GRM8: variants seen among roughly 807,000 people sequenced by gnomAD.
GRM8 encodes glutamate metabotropic receptor 8.
GRM8 carries 47 observed loss-of-function variants against 87.2 expected under a neutral mutation model. The observed-to-expected ratio is 0.54, with a 90% CI of 0.43 to 0.69. GRM8 has a LOEUF of 0.69. GRM8 is among the 30% of genes least tolerant of loss of function. The pLI is 0.00. For missense variants in GRM8, 1,019 were observed against 1,139.2 expected (o/e 0.89, Z 1.52); for synonymous variants, 396 against 404.5 (o/e 0.98, Z 0.25).
rs199631296 is a variant in GRM8, at chr7:126,904,580, T to A, written c.831A>T (p.Ala277=). 1 of 1,613,880 alleles carries A rather than the reference T, an allele frequency of 6.2e-7. No individual in the cohort carries two copies. The highest frequency in any genetic ancestry group is 2.2e-5 in the East Asian group (1 of 44,860). The change falls in exon 4 of 11, where the codon GCA becomes GCT. Residue 277 remains alanine (A), a synonymous_variant. Coordinates refer to ENST00000339582, the MANE Select transcript of GRM8 (RefSeq NM_000845.3). ...KRLLETPNAR[A]VIMFANEDDI... is the part of the protein sequence containing the mutation. ...CATCCTCATTGGCAAACATAATCAC[T>A]GCTCGAGCATTAGGTGTTTCTAGCA...
chr7:126,479,862 T>A (rs1806458246), intron 9 of GRM8, among the ~76,000 whole-genome samples: 1 of 152,098 alleles, frequency 6.6e-6, no homozygotes. Context: ...TCTATCATAT[T>A]ATAATCTCAG....
intron 2 of GRM8, among the ~76,000 whole-genome samples, chr7:127,220,295 G>A (rs1332901450): frequency 6.6e-6 from 1 of 151,906 alleles, no homozygotes; most frequent in Non-Finnish European, 1.5e-5. Flanking sequence ...CACTGACCAG[G>A]GCAAAAGCTG....
intron 9 of GRM8, among the ~76,000 whole-genome samples, chr7:126,499,650 G>A (rs1267299037): frequency 1.3e-5 from 2 of 151,890 alleles, no homozygotes; most frequent in African/African-American, 4.8e-5. Context: ...GGATGAGCTG[G>A]GAGATATGTT....
At chr7:126,880,338 C>T (rs1799912727) in intron 6 of GRM8, among the ~76,000 whole-genome samples, 1 of 152,206 alleles carries the variant, frequency 6.6e-6, no homozygotes, top group African/African-American at 2.4e-5. Context: ...TCTTAATGCA[C>T]ATGCAATTTG....
Position 127,252,804 on chromosome 7 carries a change from C to T in GRM8, c.-319G>A. On this transcript the variant is annotated 5_prime_UTR_variant, in exon 1 of 11. Transcript: ENST00000339582. This position sits in a 1 kb window ranked among gnomAD's most constrained non-coding sequence, Gnocchi z 4.9. Reference sequence around the variant, plus strand: ...CCGGGCGGCGAGTCTTACCCTGCTCCCCGCAGAGGGCGCGGTGAGGAAGCC... The same window carrying T: ...CCGGGCGGCGAGTCTTACCCTGCTCTCCGCAGAGGGCGCGGTGAGGAAGCC... 5.2e-6 allele frequency: 1 copy of T among 193,604 alleles called. No homozygotes were observed. Among genetic ancestry groups the T allele is most frequent in the Non-Finnish European group, 1.0e-5 (1 of 98,064 alleles). 12.0% of individuals were successfully genotyped at this position (193,604 alleles called of 1,614,324 possible).
chr7:127,242,645 G>C (rs760357813), intron 2 of GRM8, 50 bp downstream of exon 2: 5 of 1,525,536 alleles, frequency 3.3e-6, no homozygotes. Flanking sequence ...AGGAGTCATA[G>C]CATTTCATTG....
At chr7:126,966,765 T>A (rs1384144752) in intron 3 of GRM8, among the ~76,000 whole-genome samples, 1 of 152,148 alleles carries the variant, frequency 6.6e-6, no homozygotes, top group Non-Finnish European at 1.5e-5. Flanking sequence ...AATAATTTGC[T>A]ACTCAACTCG....
At chr7:126,828,529 G>C (rs1417953297) in intron 6 of GRM8, among the ~76,000 whole-genome samples, 1 of 152,140 alleles carries the variant, frequency 6.6e-6, no homozygotes, top group African/African-American at 2.4e-5. Context: ...TCTGATGGTA[G>C]TTTGTATTTC....
At position 126,620,450 on chromosome 7, in the gene GRM8, C is replaced by T. The variant is rs568867096; in HGVS notation, c.1358-10952G>A. On this transcript the variant is annotated intron_variant, in intron 7 of 10. Coordinates refer to ENST00000339582, the MANE Select transcript of GRM8 (RefSeq NM_000845.3). ...ATGTGTGAAAAAGTATATTTTTATT[C>T]GTAGGCATCTCAAGCACTCCAACAT... Among the ~76,000 whole-genome samples, 122 of 152,102 alleles carry T rather than the reference C, an allele frequency of 8.0e-4. 2 individuals carry two copies. The highest frequency in any genetic ancestry group is 6.4e-3 in the South Asian group (31 of 4,818).
chr7:126,602,711 C>A (rs899562330), intron 8 of GRM8, among the ~76,000 whole-genome samples: 1 of 151,602 alleles, frequency 6.6e-6, no homozygotes, highest in Non-Finnish European at 1.5e-5. Flanking sequence ...AATGGGAGTT[C>A]ACTCATGATT....
At chr7:126,860,289 TC>T (rs1238381448) in intron 6 of GRM8, among the ~76,000 whole-genome samples, 11 of 152,194 alleles carry the variant, frequency 7.2e-5, no homozygotes, top group Admixed American at 7.2e-4. Flanking sequence ...CTGTTGCTCT[TC>T]CCTTTGCTAC....
At chr7:127,098,338 AC>A (rs1470161100) in intron 3 of GRM8, among the ~76,000 whole-genome samples, 39 of 152,204 alleles carry the variant, frequency 2.6e-4, no homozygotes, top group African/African-American at 7.2e-4. Context: ...AAAGCAATGA[AC>A]ATCTGAGGGG....
chr7:127,083,804 T>C (rs576405752), intron 3 of GRM8, among the ~76,000 whole-genome samples: 27 of 152,304 alleles, frequency 1.8e-4, no homozygotes, highest in Admixed American at 3.9e-4. Flanking sequence ...AAGTGTTTCC[T>C]GATATCTCTG....
intron 3 of GRM8, among the ~76,000 whole-genome samples, chr7:127,015,065 AAGAAAGAAAGAAGGAG>A (rs879351756): frequency 0.015 from 1,394 of 91,572 alleles, 33 homozygotes; most frequent in Non-Finnish European, 0.027. Flanking sequence ...GAAGAAGAAG[AAGAAAGAAAGAAGGAG>A]AAGAAGGAGA....
At chr7:126,779,924 T>C (rs935374726) in intron 6 of GRM8, among the ~76,000 whole-genome samples, 12 of 152,146 alleles carry the variant, frequency 7.9e-5, no homozygotes, top group African/African-American at 9.7e-5. Flanking sequence ...TCTTCACTCA[T>C]AAAATAGGAA....
At chr7:126,646,310 G>GGAAGGAAGGAAA (rs1400041865) in intron 7 of GRM8, among the ~76,000 whole-genome samples, 1 of 141,586 alleles carries the variant, frequency 7.1e-6, no homozygotes, top group Non-Finnish European at 1.6e-5. Context: ...AAGGAAAGAA[G>GGAAGGAAGGAAA]GAAGGAAGGA....
At chr7:126,563,085 C>T (rs954945981) in intron 8 of GRM8, among the ~76,000 whole-genome samples, 3 of 152,120 alleles carry the variant, frequency 2.0e-5, no homozygotes, top group Non-Finnish European at 4.4e-5. Flanking sequence ...TTATAATGAA[C>T]GTAGTAATCG....
chr7:126,646,680 AC>A (rs1174792978), intron 7 of GRM8, among the ~76,000 whole-genome samples: 5 of 152,132 alleles, frequency 3.3e-5, no homozygotes, highest in African/African-American at 1.2e-4. Flanking sequence ...TTATCTATAA[AC>A]TTTTAAACCT....
chr7:126,809,153 G>A (rs1793055554), intron 6 of GRM8, among the ~76,000 whole-genome samples: 1 of 152,114 alleles, frequency 6.6e-6, no homozygotes, highest in South Asian at 2.1e-4. Flanking sequence ...GGGGCATCTT[G>A]AAATCTCTCT....
Sources: allele counts gnomAD v4.1 joint callset (sites outside exome capture counted in the v4.1 genomes callset), GRCh38; gene constraint gnomAD v4.1.1; non-coding constraint Gnocchi (gnomAD v3.1); transcripts MANE v1.5; gene names NCBI Gene and HGNC (gene_info 2026-07-23, HGNC 2026-07-21).